Variants in PTH2R observed in about 807,000 individuals in gnomAD.
The protein encoded by PTH2R is parathyroid hormone 2 receptor.
A neutral mutation model predicts 60.3 loss-of-function variants in PTH2R; 59 were observed. The observed-to-expected ratio is 0.98, with a 90% confidence interval of 0.79 to 1.22. The LOEUF (loss-of-function observed/expected upper bound fraction) is 1.22. PTH2R is among the 50% of genes most tolerant of loss of function. PTH2R has a pLI of 0.00. For synonymous variants in PTH2R, 256 were observed against 243.8 expected (o/e 1.05, Z -0.47); for missense variants, 749 against 682.6 (o/e 1.10, Z -1.08).
At chr2:208,401,178 G>A (rs745591672) in intron 1 of PTH2R, among the ~76,000 whole-genome samples, 13 of 152,098 alleles carry the variant, frequency 8.5e-5, no homozygotes, top group Admixed American at 1.3e-4. Context: ...GAGTTTCTTC[G>A]CAGTCTCTTC....
chr2:208,442,823 T>C (rs1426175764), intron 5 of PTH2R, among the ~76,000 whole-genome samples: 1 of 152,156 alleles, frequency 6.6e-6, no homozygotes, highest in Non-Finnish European at 1.5e-5. Context: ...CATAAAGAAA[T>C]AGTATTTATT....
chr2:208,455,488 A>C (rs1249002965), intron 8 of PTH2R, among the ~76,000 whole-genome samples: 1 of 152,212 alleles, frequency 6.6e-6, no homozygotes, highest in Non-Finnish European at 1.5e-5. Flanking sequence ...CTTTCTTCCT[A>C]ACTTATCAGA....
chr2:208,386,834 C>A (rs550907992), intron 1 of PTH2R, among the ~76,000 whole-genome samples: 16 of 152,158 alleles, frequency 1.1e-4, no homozygotes, highest in Non-Finnish European at 2.1e-4. Flanking sequence ...CTAATTACCT[C>A]CTAATGCCAC....
chr2:208,415,593 G>A (rs1232093268), intron 1 of PTH2R, among the ~76,000 whole-genome samples: 1 of 152,044 alleles, frequency 6.6e-6, no homozygotes, highest in East Asian at 1.9e-4. Context: ...TAGTGTATGT[G>A]GATTTTTTTG....
chr2:208,370,513 G>A (rs1700679567), intron 1 of PTH2R, among the ~76,000 whole-genome samples: 1 of 135,366 alleles, frequency 7.4e-6, no homozygotes, highest in Non-Finnish European at 1.6e-5. Context: ...ATAAGGCATA[G>A]TCCAATTAAC....
chr2:208,464,298 T>C (rs1347446234), intron 9 of PTH2R, among the ~76,000 whole-genome samples: 1 of 152,202 alleles, frequency 6.6e-6, no homozygotes. Context: ...ATGCAATAAA[T>C]ATTTGATTAA....
chr2:208,414,829 T>C (rs1018144883), intron 1 of PTH2R, among the ~76,000 whole-genome samples: 1 of 152,190 alleles, frequency 6.6e-6, no homozygotes, highest in African/African-American at 2.4e-5. Context: ...GCACTCTTGA[T>C]AGGTGAGTGG....
At chr2:208,441,797 C>T (rs1039109487) in intron 4 of PTH2R, among the ~76,000 whole-genome samples, 4 of 152,048 alleles carry the variant, frequency 2.6e-5, no homozygotes, top group African/African-American at 4.8e-5. Context: ...TATAAATATG[C>T]GTGTCGCATC....
At chr2:208,432,753 C>T (rs968942493) in intron 2 of PTH2R, among the ~76,000 whole-genome samples, 5 of 152,064 alleles carry the variant, frequency 3.3e-5, no homozygotes, top group Admixed American at 6.6e-5. Flanking sequence ...GTCCAAAGGC[C>T]GAAGAACCTG....
At chr2:208,370,360 G>A (rs775468704) in intron 1 of PTH2R, among the ~76,000 whole-genome samples, 8 of 136,224 alleles carry the variant, frequency 5.9e-5, no homozygotes, top group Admixed American at 3.3e-4. Context: ...GGAGAATGGC[G>A]TGAACATGGG....
intron 4 of PTH2R, among the ~76,000 whole-genome samples, chr2:208,438,681 T>A (rs1035821949): frequency 1.3e-5 from 2 of 152,230 alleles, no homozygotes; most frequent in Non-Finnish European, 2.9e-5. Context: ...GTTAATGTGA[T>A]AAATTAGCTT....
chr2:208,468,037 GATAATGAA>G (rs1325658332), intron 9 of PTH2R, among the ~76,000 whole-genome samples: 1 of 152,154 alleles, frequency 6.6e-6, no homozygotes, highest in African/African-American at 2.4e-5. Flanking sequence ...AGGCTAATCT[GATAATGAA>G]ATGGTCTTGC....
At chr2:208,445,778 G>A (rs1241603324) in intron 7 of PTH2R, among the ~76,000 whole-genome samples, 1 of 152,038 alleles carries the variant, frequency 6.6e-6, no homozygotes, top group Non-Finnish European at 1.5e-5. Context: ...AAAGAATGCT[G>A]AACTTTCTGC....
intron 1 of PTH2R, 138 bp downstream of exon 1, chr2:208,407,256 G>A (rs962934134): frequency 1.4e-5 from 9 of 652,326 alleles, no homozygotes; most frequent in African/African-American, 7.5e-5. Flanking sequence ...GCACCGAGGC[G>A]TACCCGGCAG....
chr2:208,428,266 A>C lies in PTH2R; in HGVS notation c.141A>C (p.Gln47His). Residue 47 changes from glutamine to histidine, a missense_variant, in exon 2 of 13, where the codon CAA becomes CAC. By Grantham distance (24) the Gln-to-His change is conservative (BLOSUM62 0). Coordinates refer to ENST00000272847, the MANE Select transcript of PTH2R (RefSeq NM_005048.4). ...TCCTTGTGCTGAAAGCGAAAGTACA[A>C]TGTGAACTCAACATCACAGCTCAAC... ...QIVLVLKAKVQCELNITAQLQ... is the reference protein window; with the variant it reads ...QIVLVLKAKVHCELNITAQLQ... 6.2e-7 allele frequency: 1 copy of C among 1,613,524 alleles called. No homozygotes were observed. Among genetic ancestry groups the C allele is most frequent in the Non-Finnish European group, 8.5e-7 (1 of 1,179,778 alleles).
rs577780490 is a variant in PTH2R, at chr2:208,493,821, C to T, written c.*162C>T. The T allele has an allele frequency of 9.5e-5, 64 of 672,482 alleles. No individual in the cohort carries two copies. Among genetic ancestry groups the T allele is most frequent in the South Asian group, 2.4e-4 (5 of 21,068 alleles). 41.7% of individuals were successfully genotyped at this position (672,482 alleles called of 1,614,324 possible). A position where few individuals can be genotyped will look rare whatever the true frequency, so the allele number is the denominator to read the frequency against. On this transcript the variant is annotated 3_prime_UTR_variant, in exon 13 of 13. Coordinates refer to ENST00000272847, the MANE Select transcript of PTH2R (RefSeq NM_005048.4). ...ATGAATTGGCTCCTGTAAATACTAA[C>T]GACATGAAAATGCAAGTGTCAATGG...
intron 1 of PTH2R, among the ~76,000 whole-genome samples, chr2:208,392,440 C>A (rs932449557): frequency 6.6e-6 from 1 of 152,112 alleles, no homozygotes. Flanking sequence ...TTTGGATGGG[C>A]CTAGCAGTTA....
intron 9 of PTH2R, 124 bp from the exon 10 acceptor site, chr2:208,480,946 C>A: frequency 1.5e-6 from 1 of 651,726 alleles, no homozygotes. Context: ...TCAGGTTCCC[C>A]TGTTCACATT....
chr2:208,460,320 A>T (rs1443975016), intron 9 of PTH2R, among the ~76,000 whole-genome samples: 1 of 152,128 alleles, frequency 6.6e-6, no homozygotes, highest in Non-Finnish European at 1.5e-5. Context: ...TGTGACAGGG[A>T]GGAAAAGGTG....
Sources: allele counts gnomAD v4.1 joint callset (sites outside exome capture counted in the v4.1 genomes callset), GRCh38; gene constraint gnomAD v4.1.1; transcripts MANE v1.5; gene names NCBI Gene and HGNC (gene_info 2026-07-23, HGNC 2026-07-21).